Variants in OPCML observed in about 807,000 individuals in gnomAD.
OPCML encodes the protein opioid-binding protein/cell adhesion molecule.
In OPCML, 13 loss-of-function variants were observed where a neutral mutation model predicts 37.8. The observed-to-expected ratio is 0.34, with a 90% CI of 0.22 to 0.55. OPCML has a LOEUF of 0.55. Among genes scored for constraint, OPCML ranks in the 20% least tolerant of loss-of-function variants. The probability of loss-of-function intolerance (pLI) is 0.91; values close to 1 mark genes in which losing one functional copy is unlikely to be tolerated. For synonymous variants in OPCML, 176 were observed against 168.8 expected (o/e 1.04, Z -0.33); for missense variants, 341 against 435.6 (o/e 0.78, Z 1.93).
At chr11:132,544,457 G>GT in intron 3 of OPCML, among the ~76,000 whole-genome samples, 1 of 152,252 alleles carries the variant, frequency 6.6e-6, no homozygotes, top group East Asian at 1.9e-4. Flanking sequence ...CCAGCAACAA[G>GT]TGTTCTATAA....
chr11:132,684,757 T>C (rs1055039244), intron 2 of OPCML, among the ~76,000 whole-genome samples: 2 of 152,224 alleles, frequency 1.3e-5, no homozygotes, highest in African/African-American at 2.4e-5. Flanking sequence ...GCTTTCTATA[T>C]GCGTTTGTTC....
chr11:132,507,085 C>T (rs921878262), intron 4 of OPCML, among the ~76,000 whole-genome samples: 2 of 147,978 alleles, frequency 1.4e-5, no homozygotes, highest in Non-Finnish European at 3.0e-5. Context: ...ATAAGGTTAA[C>T]TGTAAGCCTA....
chr11:132,922,734 A>G (rs1944849471), intron 2 of OPCML, among the ~76,000 whole-genome samples: 1 of 152,168 alleles, frequency 6.6e-6, no homozygotes, highest in Non-Finnish European at 1.5e-5. Flanking sequence ...ACAGAGGTGA[A>G]CTAAATATTT....
At chr11:133,094,933 G>A (rs564427455) in intron 1 of OPCML, among the ~76,000 whole-genome samples, 5 of 152,110 alleles carry the variant, frequency 3.3e-5, no homozygotes, top group African/African-American at 1.2e-4. Flanking sequence ...TCAAATAGCA[G>A]GTTTGAGCAA....
At chr11:132,991,826 C>A (rs532479692) in intron 1 of OPCML, among the ~76,000 whole-genome samples, 39 of 152,138 alleles carry the variant, frequency 2.6e-4, no homozygotes, top group African/African-American at 9.4e-4. Flanking sequence ...AGAGTTAAGA[C>A]CTTTGGATTA....
rs1302827899 is a variant in OPCML, at chr11:132,973,985, C to A, written c.62-30975G>T. On this transcript the variant is annotated intron_variant, in intron 1 of 7. Coordinates refer to ENST00000524381, the MANE Select transcript of OPCML (RefSeq NM_001012393.5). ...TGGATCTGGTCTAGCCTGCCCCTTA[C>A]CAAGCACACAGACCTATCTACACGT... 1.1e-4 allele frequency among the ~76,000 whole-genome samples: 16 copies of A among 151,996 alleles called. 1 individual carries two copies. Among genetic ancestry groups the A allele is most frequent in the Admixed American group, 5.9e-4 (9 of 15,274 alleles).
chr11:133,067,573 C>T (rs138591326), intron 1 of OPCML: 7 of 152,312 alleles, frequency 4.6e-5, no homozygotes, highest in African/African-American at 1.7e-4. Flanking sequence ...CTGCACTAGC[C>T]TGGCTTTCTT....
chr11:132,437,115 T>C (rs770305254), intron 5 of OPCML, 107 bp downstream of exon 5: 27 of 1,497,944 alleles, frequency 1.8e-5, no homozygotes, highest in South Asian at 4.0e-5. Context: ...ATTTTCCTGT[T>C]GGCAGGAACC....
chr11:132,682,650 CCTCT>C (rs917319242), intron 2 of OPCML, among the ~76,000 whole-genome samples: 3 of 152,176 alleles, frequency 2.0e-5, no homozygotes, highest in African/African-American at 7.2e-5. Flanking sequence ...ATTAACCTCT[CCTCT>C]AGAGAGCAAC....
chr11:133,162,579 A>T (rs986176791), intron 1 of OPCML, among the ~76,000 whole-genome samples: 1 of 152,212 alleles, frequency 6.6e-6, no homozygotes, highest in Non-Finnish European at 1.5e-5. Context: ...GTTTAGAAAC[A>T]TACACACTGC....
At chr11:132,696,678 G>A (rs549928755) in intron 2 of OPCML, among the ~76,000 whole-genome samples, 1 of 152,186 alleles carries the variant, frequency 6.6e-6, no homozygotes. Context: ...TATGTGTGAG[G>A]AAGCACTGCT....
At chr11:132,840,524 A>C (rs2136300894) in intron 2 of OPCML, among the ~76,000 whole-genome samples, 1 of 152,218 alleles carries the variant, frequency 6.6e-6, no homozygotes, top group Non-Finnish European at 1.5e-5. Flanking sequence ...CTTTAGAGTC[A>C]AAAGATATAG....
intron 1 of OPCML, among the ~76,000 whole-genome samples, chr11:133,515,174 C>A (rs1182119311): frequency 6.6e-6 from 1 of 152,182 alleles, no homozygotes; most frequent in Non-Finnish European, 1.5e-5. Context: ...TGAACCAGAG[C>A]AGGTCAGAGG....
intron 4 of OPCML, among the ~76,000 whole-genome samples, chr11:132,470,708 T>C (rs2096135508): frequency 6.6e-6 from 1 of 152,184 alleles, no homozygotes; most frequent in Non-Finnish European, 1.5e-5. Flanking sequence ...ATGAGGAAAC[T>C]GAGATTAAGT....
chr11:132,769,206 G>GTT (rs574890665), intron 2 of OPCML, among the ~76,000 whole-genome samples: 4 of 150,946 alleles, frequency 2.6e-5, no homozygotes, highest in Non-Finnish European at 5.9e-5. Flanking sequence ...ATGCTGAGTA[G>GTT]TTTTTTTGTA....
At chr11:132,944,800 T>C (rs1333047078) in intron 1 of OPCML, among the ~76,000 whole-genome samples, 3 of 152,146 alleles carry the variant, frequency 2.0e-5, no homozygotes, top group Non-Finnish European at 2.9e-5. Context: ...CCCTCTCCGC[T>C]CCCCTGGCAG....
At chr11:132,957,036 T>G (rs560598752) in intron 1 of OPCML, among the ~76,000 whole-genome samples, 78 of 152,238 alleles carry the variant, frequency 5.1e-4, no homozygotes, top group African/African-American at 1.8e-3. Context: ...CAGGCTGAGG[T>G]GGGAGGATCA....
intron 3 of OPCML, among the ~76,000 whole-genome samples, chr11:132,599,543 C>G (rs1937707249): frequency 6.6e-6 from 1 of 152,144 alleles, no homozygotes; most frequent in African/African-American, 2.4e-5. Context: ...AAAAATACAA[C>G]TCCAAATGGC....
intron 4 of OPCML, among the ~76,000 whole-genome samples, chr11:132,445,076 C>T (rs1459171152): frequency 1.3e-5 from 2 of 152,244 alleles, no homozygotes; most frequent in Non-Finnish European, 2.9e-5. Context: ...CCAGGACCTC[C>T]TCTGCGGGAG....
Sources: gnomAD v4.1 joint callset for allele counts (sites outside exome capture counted in the v4.1 genomes callset) on GRCh38, gnomAD v4.1.1 for gene constraint, MANE v1.5 for transcripts, NCBI Gene and HGNC (gene_info 2026-07-23, HGNC 2026-07-21) for gene names.